The following SNX8 variants were observed in gnomAD, a reference collection of about 807,000 sequenced individuals.
The protein encoded by SNX8 is sorting nexin-8.
SNX8 carries 25 observed loss-of-function variants against 51.6 expected under a neutral mutation model. The observed-to-expected ratio is 0.48, with a 90% CI of 0.35 to 0.68. SNX8 has a LOEUF of 0.68. Ranked by LOEUF, SNX8 falls within the 30% of genes least tolerant of loss-of-function variation. The probability of loss-of-function intolerance (pLI) is 0.00; values close to 1 mark genes in which losing one functional copy is unlikely to be tolerated. For missense variants in SNX8, 695 were observed against 624.0 expected (o/e 1.11, Z -1.21); for synonymous variants, 324 against 277.0 (o/e 1.17, Z -1.68).
At chr7:2,284,587 G>A (rs542679650) in intron 1 of SNX8, among the ~76,000 whole-genome samples, 19 of 151,346 alleles carry the variant, frequency 1.3e-4, no homozygotes, top group Admixed American at 8.6e-4. Context: ...TGTGTTTTTA[G>A]TAGAGACAGG....
At chr7:2,258,563 G>A (rs1795255027) in intron 7 of SNX8, among the ~76,000 whole-genome samples, 1 of 152,152 alleles carries the variant, frequency 6.6e-6, no homozygotes. Context: ...GCCCAGGAGG[G>A]GCACGGAGGA....
intron 1 of SNX8, among the ~76,000 whole-genome samples, chr7:2,338,858 T>C (rs535471019): frequency 6.6e-6 from 1 of 151,722 alleles, no homozygotes; most frequent in South Asian, 2.1e-4. Flanking sequence ...AGTCTGGGAG[T>C]TTAAGATCAG....
chr7:2,301,120 A>T (rs1008888249), intron 1 of SNX8, among the ~76,000 whole-genome samples: 2 of 152,230 alleles, frequency 1.3e-5, no homozygotes, highest in African/African-American at 4.8e-5. Flanking sequence ...ACAATTGTCT[A>T]GGGTGTTATT....
intron 7 of SNX8, among the ~76,000 whole-genome samples, chr7:2,260,968 T>C (rs780088495): frequency 1.3e-5 from 2 of 152,200 alleles, no homozygotes; most frequent in African/African-American, 2.4e-5. Flanking sequence ...AATCACCTCA[T>C]GAGTGATGCT....
intron 1 of SNX8, among the ~76,000 whole-genome samples, chr7:2,351,052 G>A (rs2115254706): frequency 6.6e-6 from 1 of 152,286 alleles, no homozygotes; most frequent in East Asian, 1.9e-4. Flanking sequence ...GGGAGTTTGA[G>A]GCTGCAGTGA....
intron 1 of SNX8, among the ~76,000 whole-genome samples, chr7:2,351,823 T>G (rs1234243773): frequency 1.3e-5 from 2 of 150,706 alleles, no homozygotes; most frequent in Non-Finnish European, 2.9e-5. Context: ...AGAGTGAGAC[T>G]CCATCTCAAA....
intron 1 of SNX8, among the ~76,000 whole-genome samples, chr7:2,289,459 T>G (rs1230594752): frequency 6.6e-6 from 1 of 152,158 alleles, no homozygotes; most frequent in Non-Finnish European, 1.5e-5. Flanking sequence ...GAGCCAACAT[T>G]CAGCATTTTC....
rs1795141798 is a variant in SNX8 at position 2,255,033 on chromosome 7, G to A, written c.*23C>T. The stretch of plus-strand genomic sequence containing the variant: ...AAAGAGGTTTTAGTGCGGCCGCAGG[G>A]AGCACCACCTCAGCCTCAGGCGCTA... On this transcript the variant is annotated 3_prime_UTR_variant, in exon 11 of 11. Transcript: ENST00000222990. 1.4e-6 allele frequency: 2 copies of A among 1,465,486 alleles called. No homozygotes were observed. Among genetic ancestry groups the A allele is most frequent in the Non-Finnish European group, 1.9e-6 (2 of 1,068,342 alleles). 90.8% of individuals were successfully genotyped at this position (1,465,486 alleles called of 1,614,324 possible).
chr7:2,319,109 C>A (rs530824926), upstream of SNX8, among the ~76,000 whole-genome samples: 1 of 142,092 alleles, frequency 7.0e-6, no homozygotes, highest in Admixed American at 7.0e-5. Flanking sequence ...GAGGCCGAGA[C>A]CAGCAGATCA....
At chr7:2,258,111 C>T (rs984878312) in intron 7 of SNX8, among the ~76,000 whole-genome samples, 5 of 151,308 alleles carry the variant, frequency 3.3e-5, no homozygotes, top group Non-Finnish European at 5.9e-5. Flanking sequence ...CCCGGGTTCA[C>T]GCCATTCTCC....
chr7:2,345,089 G>A (rs770375577), intron 1 of SNX8, among the ~76,000 whole-genome samples: 2 of 152,016 alleles, frequency 1.3e-5, no homozygotes, highest in Admixed American at 6.6e-5. Flanking sequence ...CCTGTGACCC[G>A]CAAATCCTAC....
chr7:2,262,935 T>C (rs2115100618), intron 7 of SNX8, among the ~76,000 whole-genome samples: 1 of 152,276 alleles, frequency 6.6e-6, no homozygotes, highest in African/African-American at 2.4e-5. Context: ...CTGACGAACA[T>C]GGTGAAACCT....
chr7:2,336,105 GAA>G (rs11430916), intron 1 of SNX8, among the ~76,000 whole-genome samples: 1 of 137,096 alleles, frequency 7.3e-6, no homozygotes. Context: ...TCCATCTCGA[GAA>G]AAAAAAAAAA....
rs537882259 is a variant in SNX8 at position 2,347,015 on chromosome 7, A to C, written c.-66+7207T>G. Among the ~76,000 whole-genome samples, 5 of 152,158 alleles carry C rather than the reference A, an allele frequency of 3.3e-5. No individual in the cohort carries two copies. In the East Asian group the frequency reaches 7.7e-4, roughly 24 times the overall value. On this transcript the variant is annotated intron_variant, in intron 1 of 5. Transcript: ENST00000435336. Reference sequence around the variant, plus strand: ...CACTCCTCTACATTTGAAGAAGCCAAGCATCATAGGGCAGAAAGTCAAATA... The same window carrying C: ...CACTCCTCTACATTTGAAGAAGCCACGCATCATAGGGCAGAAAGTCAAATA...
intron 1 of SNX8, among the ~76,000 whole-genome samples, chr7:2,346,607 G>C (rs545719012): frequency 2.0e-5 from 3 of 151,176 alleles, no homozygotes; most frequent in Non-Finnish European, 3.0e-5. Flanking sequence ...TTAGCCGGGC[G>C]TGGTGGTGGG....
intron 1 of SNX8, among the ~76,000 whole-genome samples, chr7:2,351,559 G>A (rs974629377): frequency 4.7e-5 from 7 of 150,536 alleles, no homozygotes; most frequent in East Asian, 2.0e-4. Flanking sequence ...TAGGCCAGGC[G>A]CAGTGGCTCA....
At chr7:2,342,934 T>C (rs960173216) in intron 1 of SNX8, among the ~76,000 whole-genome samples, 8 of 152,052 alleles carry the variant, frequency 5.3e-5, no homozygotes, top group African/African-American at 1.9e-4. Context: ...ACAATTCTCC[T>C]GCCTCAGGCG....
intron 1 of SNX8, among the ~76,000 whole-genome samples, chr7:2,333,701 T>C (rs1778778386): frequency 6.6e-6 from 1 of 152,204 alleles, no homozygotes; most frequent in South Asian, 2.1e-4. Flanking sequence ...TCAATAAACG[T>C]GCCAAGGTAA....
At position 2,264,470 on chromosome 7, in the gene SNX8, A is replaced by AT. The variant is rs760302264; in HGVS notation, c.622-13dup. 1 of 1,606,746 alleles carries AT rather than the reference A, an allele frequency of 6.2e-7. No homozygotes were observed. The highest frequency in any genetic ancestry group is 8.5e-7 in the Non-Finnish European group (1 of 1,178,242). On this transcript the variant is annotated splice_polypyrimidine_tract_variant and intron_variant, in intron 5 of 10. Coordinates refer to ENST00000222990, the MANE Select transcript of SNX8 (RefSeq NM_013321.4). The stretch of plus-strand genomic sequence containing the variant: ...GCTGGGAGGAAGTCCTGACATCATG[A>AT]TGGGGGGAGAGACACTGTGTTAGTC...
Sources: gnomAD v4.1 joint callset for allele counts (sites outside exome capture counted in the v4.1 genomes callset) on GRCh38, gnomAD v4.1.1 for gene constraint, MANE v1.5 for transcripts, NCBI Gene and HGNC (gene_info 2026-07-23, HGNC 2026-07-21) for gene names.